Variants in STPG4 observed in about 807,000 individuals in gnomAD.
STPG4 encodes the protein sperm-tail PG-rich repeat containing 4.
In STPG4, 41 loss-of-function variants were observed where a neutral mutation model predicts 31.5. The ratio of observed to expected loss-of-function variants is 1.30; its 90% CI spans 1.01 to 1.69. The LOEUF (loss-of-function observed/expected upper bound fraction) is 1.69, where lower values mean the gene tolerates loss of function less well. Among genes scored for constraint, STPG4 ranks in the 40% most tolerant of loss-of-function variants. The pLI is 0.00. For missense variants in STPG4, 375 were observed against 293.4 expected (o/e 1.28, Z -2.03); for synonymous variants, 141 against 103.0 (o/e 1.37, Z -2.24).
rs548794070 is a variant in STPG4, at chr2:47,135,679, G to A, written c.400-5419C>T. Among the ~76,000 whole-genome samples, 8 of 152,240 alleles carry A rather than the reference G, an allele frequency of 5.3e-5. No individual in the cohort carries two copies. The South Asian group carries it at 1.5e-3, about 28-fold the overall frequency. ...TAGGATTACAGGCATGAACCACCAC[G>A]CCCAGCCTCTTCTTTTTTGAATGTG... On this transcript the variant is annotated intron_variant, in intron 3 of 6. Transcript: ENST00000445927.
At chr2:47,149,817 G>C (rs1308707701) in intron 3 of STPG4, among the ~76,000 whole-genome samples, 1 of 152,206 alleles carries the variant, frequency 6.6e-6, no homozygotes, top group Non-Finnish European at 1.5e-5. Context: ...AAGTAACAAA[G>C]TCCAAGTCAC....
In STPG4 at chr2:47,109,190, G is replaced by A. The variant is rs189055064; in HGVS notation, c.520-18816C>T. Among the ~76,000 whole-genome samples the A allele has an allele frequency of 1.9e-3, 295 of 152,360 alleles. 6 individuals are homozygous for A. The highest frequency in any genetic ancestry group is 0.019 in the Admixed American group (290 of 15,306). On this transcript the variant is annotated intron_variant, in intron 5 of 6. Transcript: ENST00000445927. ...GATGGCAATACATGACTCGGCTGAT[G>A]TTAACGCTGTTGGAAAAGCAGCACA...
At chr2:47,118,548 C>A (rs1396721903) in intron 5 of STPG4, among the ~76,000 whole-genome samples, 1 of 152,178 alleles carries the variant, frequency 6.6e-6, no homozygotes, top group Non-Finnish European at 1.5e-5. Context: ...AACCCTGGTC[C>A]ATGGAAAAAC....
At chr2:47,126,611 G>A (rs562451617) in intron 5 of STPG4, among the ~76,000 whole-genome samples, 5 of 152,158 alleles carry the variant, frequency 3.3e-5, no homozygotes, top group Non-Finnish European at 7.3e-5. Flanking sequence ...ATAGGCATGA[G>A]CCACTGCACC....
chr2:47,144,655 C>T (rs569704444), intron 3 of STPG4, among the ~76,000 whole-genome samples: 34 of 152,094 alleles, frequency 2.2e-4, no homozygotes, highest in Non-Finnish European at 3.4e-4. Flanking sequence ...GTTATTTATT[C>T]GGGCGATTAA....
intron 3 of STPG4, among the ~76,000 whole-genome samples, chr2:47,137,977 TCTG>T (rs944515968): frequency 1.3e-5 from 2 of 152,194 alleles, no homozygotes; most frequent in Admixed American, 1.3e-4. Flanking sequence ...TTCATTGACT[TCTG>T]CTCTAATTTT....
rs545196321 is a variant in STPG4, at chr2:47,152,885, A to G, written c.141+72T>C. On this transcript the variant is annotated intron_variant, in intron 2 of 6. Coordinates refer to ENST00000445927, the MANE Select transcript of STPG4 (RefSeq NM_001163561.2). ...TTCTTACAATTTAGTGTTAGTCTTA[A>G]AAGCTATAATTGATTAAAATATTAA... 3.6e-6 allele frequency: 4 copies of G among 1,119,400 alleles called. No individual in the cohort carries two copies. In the African/African-American group the frequency reaches 4.8e-5, roughly 13 times the overall value. 69.3% of individuals were successfully genotyped at this position (1,119,400 alleles called of 1,614,324 possible). A position where few individuals can be genotyped will look rare whatever the true frequency, so the allele number is the denominator to read the frequency against.
At chr2:47,124,741 A>C (rs1686333891) in intron 5 of STPG4, among the ~76,000 whole-genome samples, 1 of 152,218 alleles carries the variant, frequency 6.6e-6, no homozygotes, top group Non-Finnish European at 1.5e-5. Context: ...CAAACACCAG[A>C]TACCTCTTCA....
chr2:47,142,718 T>C (rs1020270259), intron 3 of STPG4, among the ~76,000 whole-genome samples: 2 of 152,162 alleles, frequency 1.3e-5, no homozygotes, highest in Admixed American at 1.3e-4. Context: ...TATATGTACA[T>C]TTGTTTTCAT....
chr2:47,152,905 T>C, intron 2 of STPG4, 52 bp downstream of exon 2: 4 of 1,311,624 alleles, frequency 3.0e-6, no homozygotes, highest in Non-Finnish European at 4.3e-6. Context: ...TTGATTAAAA[T>C]ATTAATGGAA....
At chr2:47,144,749 G>T (rs1686783162) in intron 3 of STPG4, among the ~76,000 whole-genome samples, 1 of 151,306 alleles carries the variant, frequency 6.6e-6, no homozygotes, top group Non-Finnish European at 1.5e-5. Context: ...TTTGTTTTTT[G>T]AGATGAAGTC....
chr2:47,093,661 G>C (rs547661887), intron 5 of STPG4, among the ~76,000 whole-genome samples: 47 of 152,348 alleles, frequency 3.1e-4, no homozygotes, highest in African/African-American at 1.1e-3. Context: ...GAAGGCTGAT[G>C]AAGCATGATG....
At chr2:47,119,968 C>T (rs1478996972) in intron 5 of STPG4, among the ~76,000 whole-genome samples, 1 of 152,154 alleles carries the variant, frequency 6.6e-6, no homozygotes, top group African/African-American at 2.4e-5. Context: ...GAACCAAGGG[C>T]TTACAGGTCA....
Position 47,107,140 on chromosome 2 carries a change from G to A in STPG4, c.520-16766C>T, listed in dbSNP as rs72808568. 4.2e-4 allele frequency among the ~76,000 whole-genome samples: 64 copies of A among 152,078 alleles called. 2 individuals carry two copies. Among genetic ancestry groups the A allele is most frequent in the African/African-American group, 1.3e-3 (55 of 41,402 alleles). On this transcript the variant is annotated intron_variant, in intron 5 of 6. Coordinates refer to ENST00000445927, the MANE Select transcript of STPG4 (RefSeq NM_001163561.2). The stretch of plus-strand genomic sequence containing the variant: ...CTGGCAGTCCTCAGAGCTCTCTCTC[G>A]CTTTCAGCACCTCCTCTGCCTGGGC...
At chr2:47,105,532 G>A (rs912955602) in intron 5 of STPG4, among the ~76,000 whole-genome samples, 5 of 152,002 alleles carry the variant, frequency 3.3e-5, no homozygotes, top group East Asian at 3.8e-4. Context: ...GGAACCAATC[G>A]AACATGACTG....
chr2:47,120,811 G>A (rs1686254365), intron 5 of STPG4, among the ~76,000 whole-genome samples: 2 of 152,020 alleles, frequency 1.3e-5, no homozygotes, highest in African/African-American at 4.8e-5. Flanking sequence ...AATTTTTGAA[G>A]GAATTTAAAA....
At chr2:47,101,045 C>G (rs1316485852) in intron 5 of STPG4, among the ~76,000 whole-genome samples, 1 of 151,848 alleles carries the variant, frequency 6.6e-6, no homozygotes, top group African/African-American at 2.4e-5. Flanking sequence ...AGCGGTGAGA[C>G]CATCGCCGAG....
At chr2:47,097,275 C>T (rs1052656798) in intron 5 of STPG4, among the ~76,000 whole-genome samples, 1 of 152,160 alleles carries the variant, frequency 6.6e-6, no homozygotes, top group Non-Finnish European at 1.5e-5. Flanking sequence ...TAGTAACCAA[C>T]TTGAATTTGC....
intron 5 of STPG4, among the ~76,000 whole-genome samples, chr2:47,110,984 T>G (rs1016095319): frequency 1.8e-4 from 28 of 152,250 alleles, no homozygotes; most frequent in African/African-American, 6.5e-4. Context: ...ATAGCCACAT[T>G]TGAGCAAATT....
Sources: allele counts gnomAD v4.1 joint callset (sites outside exome capture counted in the v4.1 genomes callset), GRCh38; gene constraint gnomAD v4.1.1; transcripts MANE v1.5; gene names NCBI Gene and HGNC (gene_info 2026-07-23, HGNC 2026-07-21).